KRT8: variants seen among roughly 807,000 people sequenced by gnomAD.
KRT8 encodes the protein keratin, type II cytoskeletal 8.
KRT8 carries 24 observed loss-of-function variants against 43.0 expected under a neutral mutation model. The ratio of observed to expected loss-of-function variants is 0.56; its 90% CI spans 0.40 to 0.78. The LOEUF (loss-of-function observed/expected upper bound fraction) is 0.78. Among genes scored for constraint, KRT8 ranks in the 30% least tolerant of loss-of-function variants. The probability of loss-of-function intolerance (pLI) is 0.00; values close to 1 mark genes in which losing one functional copy is unlikely to be tolerated. For missense variants in KRT8, 492 were observed against 638.4 expected (o/e 0.77, Z 2.47); for synonymous variants, 214 against 261.2 (o/e 0.82, Z 1.74).
intron 2 of KRT8, among the ~76,000 whole-genome samples, chr12:52,922,767 T>C (rs1488449558): frequency 6.6e-6 from 1 of 152,226 alleles, no homozygotes; most frequent in African/African-American, 2.4e-5. Context: ...ATCTACTTCC[T>C]AAGTCATGTA....
chr12:52,945,379 G>A (rs1326189985), intron 2 of KRT8, among the ~76,000 whole-genome samples: 1 of 152,182 alleles, frequency 6.6e-6, no homozygotes, highest in African/African-American at 2.4e-5. Flanking sequence ...TTAAAGAAGA[G>A]GATGGGAATC....
chr12:52,902,195 C>G (rs1183951233), intron 1 of KRT8, 123 bp from the exon 2 acceptor site: 1 of 690,824 alleles, frequency 1.4e-6, no homozygotes, highest in African/African-American at 1.8e-5. Context: ...ACCCCAGGCA[C>G]CTGGTTAGCT....
upstream of KRT8, chr12:52,905,203 G>GAA: frequency 1.3e-6 from 1 of 771,726 alleles, no homozygotes; most frequent in Non-Finnish European, 2.0e-6. Context: ...CTCAGGTGGG[G>GAA]GCAGCAGAGA....
At chr12:52,948,852 G>A in intron 2 of KRT8, 1 of 418,822 alleles carries the variant, frequency 2.4e-6, no homozygotes, top group Non-Finnish European at 4.1e-6. Flanking sequence ...GCATAATAAC[G>A]TCATTTCCTG....
intron 3 of KRT8, 192 bp downstream of exon 3, chr12:52,900,967 G>A (rs569207373): frequency 1.1e-5 from 7 of 665,656 alleles, no homozygotes; most frequent in African/African-American, 3.6e-5. Context: ...TCCCAACACC[G>A]ATGTCAAGAG....
intron 2 of KRT8, among the ~76,000 whole-genome samples, chr12:52,932,764 T>C (rs1181439417): frequency 6.6e-6 from 1 of 151,332 alleles, no homozygotes; most frequent in Non-Finnish European, 1.5e-5. Flanking sequence ...TGATCACCAA[T>C]GCACTCCAGT....
chr12:52,910,668 G>A (rs1376433859), upstream of KRT8, among the ~76,000 whole-genome samples: 1 of 152,200 alleles, frequency 6.6e-6, no homozygotes, highest in Non-Finnish European at 1.5e-5. Flanking sequence ...TGCGATAGGG[G>A]AAGCCCTCAT....
chr12:52,927,213 CA>C (rs1371278486), intron 2 of KRT8, among the ~76,000 whole-genome samples: 1 of 152,162 alleles, frequency 6.6e-6, no homozygotes, highest in Non-Finnish European at 1.5e-5. Flanking sequence ...TCACCTTCAC[CA>C]CCACTCAGTT....
chr12:52,898,669 C>G lies in KRT8; in HGVS notation c.1202+10G>C. The G allele has an allele frequency of 6.2e-7, 1 of 1,614,190 alleles. No homozygotes were observed. Among genetic ancestry groups the G allele is most frequent in the Non-Finnish European group, 8.5e-7 (1 of 1,180,034 alleles). Reference sequence around the variant, plus strand: ...GGGAAGCAGGTCCGGTCAGAGGTACCCACACCCACCGGCTCTCCTCGCCCT... The same window carrying G: ...GGGAAGCAGGTCCGGTCAGAGGTACGCACACCCACCGGCTCTCCTCGCCCT... On this transcript the variant is annotated intron_variant, in intron 6 of 7. Transcript: ENST00000692008.
intron 2 of KRT8, among the ~76,000 whole-genome samples, chr12:52,918,256 G>GAAGAAGAAGAAGAAA (rs1363578951): frequency 2.7e-5 from 4 of 150,150 alleles, no homozygotes; most frequent in African/African-American, 4.9e-5. Flanking sequence ...AGAAGAAGAA[G>GAAGAAGAAGAAGAAA]AAACAAAACA....
chr12:52,901,260 G>A (rs747191343), intron 2 of KRT8, 41 bp from the exon 3 acceptor site: 2 of 1,485,666 alleles, frequency 1.3e-6, no homozygotes, highest in South Asian at 1.1e-5. Flanking sequence ...GAAGGCAAAA[G>A]GGAGGTTGCC....
chr12:52,897,340 G>A lies in KRT8; in HGVS notation c.*88C>T, dbSNP rs750941020. 8.0e-6 allele frequency: 10 copies of A among 1,257,286 alleles called. No individual in the cohort carries two copies. In the African/African-American group the frequency reaches 1.5e-4, roughly 18 times the overall value. 77.9% of individuals were successfully genotyped at this position (1,257,286 alleles called of 1,614,324 possible). On this transcript the variant is annotated 3_prime_UTR_variant, in exon 8 of 8. Coordinates refer to ENST00000692008, the Ensembl canonical transcript of KRT8. ...GGGCTGAGCCTCAGGTGGGTCTCCT[G>A]TTCCCAGTGCTACCCTGCATAGCGG... is the stretch of plus-strand genomic sequence containing the variant.
chr12:52,945,504 G>A (rs996401723), intron 2 of KRT8, among the ~76,000 whole-genome samples: 3 of 152,152 alleles, frequency 2.0e-5, no homozygotes, highest in Admixed American at 6.5e-5. Flanking sequence ...AAGCAAAGGC[G>A]GAAGGACTGC....
chr12:52,938,986 G>GAGGCAGGAGTATCACTTGGGCAC (rs1161141153), intron 2 of KRT8, among the ~76,000 whole-genome samples: 27 of 152,258 alleles, frequency 1.8e-4, no homozygotes, highest in Non-Finnish European at 2.2e-4. Context: ...TGAGGAGGAT[G>GAGGCAGGAGTATCACTTGGGCAC]AGGCAGGAGT....
chr12:52,942,867 G>A (rs1013748998), intron 2 of KRT8, among the ~76,000 whole-genome samples: 1 of 151,900 alleles, frequency 6.6e-6, no homozygotes, highest in Non-Finnish European at 1.5e-5. Flanking sequence ...AATGTGCCAC[G>A]GTGTCCTCCT....
At chr12:52,907,786 G>A (rs1399535793), upstream of KRT8, among the ~76,000 whole-genome samples, 1 of 152,190 alleles carries the variant, frequency 6.6e-6, no homozygotes, top group African/African-American at 2.4e-5. Flanking sequence ...AGGAGAAGAG[G>A]CCAGAGTTGG....
chr12:52,907,385 G>T (rs1941543475), upstream of KRT8, among the ~76,000 whole-genome samples: 1 of 152,166 alleles, frequency 6.6e-6, no homozygotes, highest in South Asian at 2.1e-4. Flanking sequence ...TGGAAAGGGA[G>T]GACAGGCGCT....
intron 2 of KRT8, among the ~76,000 whole-genome samples, chr12:52,945,889 C>T (rs1420667757): frequency 6.6e-6 from 1 of 152,056 alleles, no homozygotes; most frequent in Non-Finnish European, 1.5e-5. Context: ...CCCACCCCCA[C>T]CCCAGAACCC....
intron 2 of KRT8, 56 bp from the exon 3 acceptor site, chr12:52,901,275 G>A (rs1355514163): frequency 1.7e-5 from 21 of 1,261,738 alleles, no homozygotes; most frequent in Middle Eastern, 2.6e-4. Context: ...GTTGCCCTTG[G>A]TCTTTTGGGA....
Sources: gnomAD v4.1 joint callset for allele counts (sites outside exome capture counted in the v4.1 genomes callset) on GRCh38, gnomAD v4.1.1 for gene constraint, MANE v1.5 for transcripts, NCBI Gene and HGNC (gene_info 2026-07-23, HGNC 2026-07-21) for gene names.